The following GPC5 variants were observed in gnomAD, a reference collection of about 807,000 sequenced individuals.
GPC5 encodes the protein glypican 5.
In GPC5, 47 loss-of-function variants were observed where a neutral mutation model predicts 53.9. The ratio of observed to expected loss-of-function variants is 0.87; its 90% CI spans 0.69 to 1.11. The LOEUF (loss-of-function observed/expected upper bound fraction) is 1.11, where lower values mean the gene tolerates loss of function less well. Ranked by LOEUF, GPC5 falls within the 50% of genes most tolerant of loss-of-function variation. The probability of loss-of-function intolerance (pLI) is 0.00; values close to 1 mark genes in which losing one functional copy is unlikely to be tolerated. For synonymous variants in GPC5, 286 were observed against 263.3 expected, an observed-to-expected ratio of 1.09 and a Z score of -0.84; for missense variants, 748 against 713.1, an observed-to-expected ratio of 1.05 and a Z score of -0.56.
intron 7 of GPC5, among the ~76,000 whole-genome samples, chr13:92,718,002 A>G (rs1030648347): frequency 2.8e-5 from 4 of 140,876 alleles, no homozygotes; most frequent in Non-Finnish European, 6.7e-5. Context: ...ACAATGAGAT[A>G]TCATCTCACC....
intron 7 of GPC5, among the ~76,000 whole-genome samples, chr13:92,522,217 T>G (rs1162336774): frequency 6.6e-6 from 1 of 152,148 alleles, no homozygotes; most frequent in Non-Finnish European, 1.5e-5. Flanking sequence ...TGGCGATTCC[T>G]CAGGGATCTA....
chr13:92,776,867 A>G (rs1402510349), intron 7 of GPC5, among the ~76,000 whole-genome samples: 1 of 151,610 alleles, frequency 6.6e-6, no homozygotes, highest in Non-Finnish European at 1.5e-5. Flanking sequence ...TTCTTTAATA[A>G]TGCTCTGTGT....
intron 6 of GPC5, among the ~76,000 whole-genome samples, chr13:91,955,314 G>A (rs2040063053): frequency 1.3e-5 from 2 of 152,148 alleles, no homozygotes; most frequent in African/African-American, 4.8e-5. Flanking sequence ...TTATGCTTCT[G>A]CATAGTAATA....
In GPC5 at chr13:91,649,822, C is replaced by T. The variant is rs541689432; in HGVS notation, c.326-43365C>T. Reference sequence around the variant, plus strand: ...ATGGCTTGTATTCTTCTGATCATCTCAAACATATCACCTACATTCCCAGGC... The same window carrying T: ...ATGGCTTGTATTCTTCTGATCATCTTAAACATATCACCTACATTCCCAGGC... On this transcript the variant is annotated intron_variant, in intron 2 of 7. Coordinates refer to ENST00000377067, the MANE Select transcript of GPC5 (RefSeq NM_004466.6). 3.3e-5 allele frequency among the ~76,000 whole-genome samples: 5 copies of T among 152,298 alleles called. No individual in the cohort carries two copies. The East Asian group carries it at 5.8e-4, about 18-fold the overall frequency.
intron 2 of GPC5, among the ~76,000 whole-genome samples, chr13:91,520,296 G>A (rs569955530): frequency 3.9e-5 from 6 of 152,306 alleles, no homozygotes; most frequent in African/African-American, 1.2e-4. Flanking sequence ...TAGGTGTGTG[G>A]TGGTCATGTA....
At chr13:92,771,262 G>T (rs1875604560) in intron 7 of GPC5, among the ~76,000 whole-genome samples, 1 of 152,054 alleles carries the variant, frequency 6.6e-6, no homozygotes, top group Non-Finnish European at 1.5e-5. Context: ...ACTTCGCTTT[G>T]GGGCATTACT....
chr13:92,391,992 T>TA (rs1332222508), intron 7 of GPC5, among the ~76,000 whole-genome samples: 1 of 152,140 alleles, frequency 6.6e-6, no homozygotes, highest in South Asian at 2.1e-4. Flanking sequence ...GTAATTTTAA[T>TA]AAAAAATATA....
chr13:91,669,168 G>A (rs1211173466), intron 2 of GPC5, among the ~76,000 whole-genome samples: 1 of 151,756 alleles, frequency 6.6e-6, no homozygotes, highest in East Asian at 2.0e-4. Context: ...ATTGTATGAA[G>A]GGTTGAGTTG....
At chr13:92,097,404 A>G (rs1350633452) in intron 6 of GPC5, among the ~76,000 whole-genome samples, 1 of 152,212 alleles carries the variant, frequency 6.6e-6, no homozygotes, top group African/African-American at 2.4e-5. Flanking sequence ...ATTGAAATAA[A>G]TGCTGCCAAG....
chr13:92,739,452 C>T (rs1889028618), intron 7 of GPC5, among the ~76,000 whole-genome samples: 1 of 151,978 alleles, frequency 6.6e-6, no homozygotes, highest in Non-Finnish European at 1.5e-5. Flanking sequence ...TGTAAACATG[C>T]TCTCAGATCA....
rs1003645134 is a variant in GPC5, at chr13:92,810,997, G to A, written c.1562-55285G>A. 4.6e-5 allele frequency among the ~76,000 whole-genome samples: 7 copies of A among 151,986 alleles called. No homozygotes were observed. The South Asian group carries it at 1.0e-3, about 23-fold the overall frequency. On this transcript the variant is annotated intron_variant, in intron 7 of 7. Coordinates refer to ENST00000377067, the MANE Select transcript of GPC5 (RefSeq NM_004466.6). The stretch of plus-strand genomic sequence containing the variant: ...GGCCTCCCAAAGTGCTGGGATTGCA[G>A]GAGTGAGCCACCGTGCCCAGCCCAG...
At chr13:91,877,613 T>C (rs1364327262) in intron 5 of GPC5, among the ~76,000 whole-genome samples, 1 of 152,208 alleles carries the variant, frequency 6.6e-6, no homozygotes, top group Non-Finnish European at 1.5e-5. Flanking sequence ...AGTAACTAGT[T>C]TGCTTTTGAT....
intron 7 of GPC5, among the ~76,000 whole-genome samples, chr13:92,594,939 C>T (rs1029727224): frequency 3.3e-5 from 5 of 152,250 alleles, no homozygotes; most frequent in East Asian, 3.9e-4. Flanking sequence ...TGTAATGTAG[C>T]TAAGTAGGTG....
intron 5 of GPC5, among the ~76,000 whole-genome samples, chr13:91,783,040 G>A (rs1231810097): frequency 6.6e-6 from 1 of 151,836 alleles, no homozygotes; most frequent in East Asian, 1.9e-4. Context: ...ATCACCTGAG[G>A]TCAAGAGTTC....
intron 5 of GPC5, among the ~76,000 whole-genome samples, chr13:91,808,814 A>T (rs2038264781): frequency 6.6e-6 from 1 of 152,154 alleles, no homozygotes; most frequent in Non-Finnish European, 1.5e-5. Context: ...CATTTATGGG[A>T]ATAGGACTAA....
At chr13:92,057,987 T>C (rs151029230) in intron 6 of GPC5, among the ~76,000 whole-genome samples, 126 of 152,168 alleles carry the variant, frequency 8.3e-4, no homozygotes, top group African/African-American at 2.8e-3. Context: ...TGTAGTCTCA[T>C]AGGTCCTTTT....
intron 6 of GPC5, among the ~76,000 whole-genome samples, chr13:91,936,605 T>C (rs560151761): frequency 6.6e-6 from 1 of 152,172 alleles, no homozygotes; most frequent in African/African-American, 2.4e-5. Context: ...GTCTACCACA[T>C]AAGGGGATGT....
At chr13:91,812,488 G>A (rs1827755) in intron 5 of GPC5, among the ~76,000 whole-genome samples, 78,214 of 152,052 alleles carry the variant, frequency 0.51, 20,759 homozygotes, top group East Asian at 0.73. Flanking sequence ...AACATGTGTT[G>A]TTGCTCATGG....
At chr13:92,203,573 C>T (rs1375267718) in intron 7 of GPC5, among the ~76,000 whole-genome samples, 1 of 141,114 alleles carries the variant, frequency 7.1e-6, no homozygotes, top group Non-Finnish European at 1.5e-5. Context: ...ACCAGCATGG[C>T]ACATGTATAC....
Sources: allele counts gnomAD v4.1 joint callset (sites outside exome capture counted in the v4.1 genomes callset), GRCh38; gene constraint gnomAD v4.1.1; transcripts MANE v1.5; gene names NCBI Gene and HGNC (gene_info 2026-07-23, HGNC 2026-07-21).